CNTNAP2: variants seen among roughly 807,000 people sequenced by gnomAD.
CNTNAP2 encodes contactin-associated protein-like 2.
A neutral mutation model predicts 155.2 loss-of-function variants in CNTNAP2; 98 were observed. That is an observed-to-expected ratio of 0.63 (90% CI 0.54 to 0.75). The LOEUF (loss-of-function observed/expected upper bound fraction) is 0.75. Ranked by LOEUF, CNTNAP2 falls within the 30% of genes least tolerant of loss-of-function variation. The pLI is 0.00. For missense variants in CNTNAP2, 1,727 were observed against 1,688.1 expected (o/e 1.02, Z -0.40); for synonymous variants, 651 against 631.2 (o/e 1.03, Z -0.47).
chr7:146,188,540 A>T (rs1009504857), intron 1 of CNTNAP2, among the ~76,000 whole-genome samples: 7 of 152,312 alleles, frequency 4.6e-5, no homozygotes, highest in African/African-American at 1.7e-4. Flanking sequence ...GTCCTGCAAC[A>T]CATGGCTTAG....
intron 3 of CNTNAP2, among the ~76,000 whole-genome samples, chr7:146,875,413 A>G (rs1795398530): frequency 6.6e-6 from 1 of 152,176 alleles, no homozygotes; most frequent in African/African-American, 2.4e-5. Flanking sequence ...CTTTTCTTAG[A>G]GCATTCCCTT....
intron 18 of CNTNAP2, among the ~76,000 whole-genome samples, chr7:148,187,181 T>G (rs1795130443): frequency 6.6e-6 from 1 of 151,534 alleles, no homozygotes; most frequent in Non-Finnish European, 1.5e-5. Context: ...ACCTGTCGGT[T>G]TCTAACAATA....
chr7:146,636,931 G>C (rs1799608790), intron 1 of CNTNAP2, among the ~76,000 whole-genome samples: 1 of 152,184 alleles, frequency 6.6e-6, no homozygotes, highest in Admixed American at 6.5e-5. Context: ...GTCATTGCCA[G>C]AGGCATACAT....
At chr7:146,801,278 A>G (rs1802872784) in intron 2 of CNTNAP2, among the ~76,000 whole-genome samples, 1 of 152,152 alleles carries the variant, frequency 6.6e-6, no homozygotes, top group African/African-American at 2.4e-5. Flanking sequence ...GCACCAAGCC[A>G]TTCATGAGGG....
chr7:147,698,743 T>A (rs367865572), intron 13 of CNTNAP2, among the ~76,000 whole-genome samples: 45 of 152,304 alleles, frequency 3.0e-4, no homozygotes, highest in African/African-American at 8.2e-4. Flanking sequence ...GTATCTTATT[T>A]TGCAGATATG....
chr7:147,572,313 A>T (rs2190002), intron 12 of CNTNAP2, among the ~76,000 whole-genome samples: 35 of 151,604 alleles, frequency 2.3e-4, no homozygotes, highest in Non-Finnish European at 4.4e-5. Context: ...AAAAAAAAAA[A>T]AGAGAGGAAA....
intron 20 of CNTNAP2, among the ~76,000 whole-genome samples, chr7:148,253,592 C>A (rs1259561742): frequency 6.6e-6 from 1 of 152,138 alleles, no homozygotes; most frequent in Non-Finnish European, 1.5e-5. Flanking sequence ...GAAGCCCTTG[C>A]ATAATGTTAG....
chr7:146,682,447 A>G (rs1242178854), intron 1 of CNTNAP2, among the ~76,000 whole-genome samples: 1 of 152,236 alleles, frequency 6.6e-6, no homozygotes. Context: ...ATAGGTGACA[A>G]TCAAAACATT....
chr7:148,191,756 C>A (rs1230735995), intron 18 of CNTNAP2, among the ~76,000 whole-genome samples: 1 of 152,170 alleles, frequency 6.6e-6, no homozygotes, highest in African/African-American at 2.4e-5. Flanking sequence ...AAGGCCTCAC[C>A]TCCTCCTACC....
intron 1 of CNTNAP2, among the ~76,000 whole-genome samples, chr7:146,727,927 A>G (rs780051478): frequency 3.9e-5 from 6 of 152,174 alleles, no homozygotes; most frequent in Non-Finnish European, 8.8e-5. Flanking sequence ...TAGGCCACCT[A>G]GCATTTTGCT....
chr7:147,118,504 C>G (rs573160039), intron 5 of CNTNAP2, among the ~76,000 whole-genome samples: 1 of 152,108 alleles, frequency 6.6e-6, no homozygotes, highest in African/African-American at 2.4e-5. Context: ...ATCTATCGAT[C>G]TAATTAAATA....
At chr7:146,878,583 T>C (rs1795476328) in intron 3 of CNTNAP2, among the ~76,000 whole-genome samples, 1 of 152,144 alleles carries the variant, frequency 6.6e-6, no homozygotes, top group South Asian at 2.1e-4. Context: ...ATTATTTCAC[T>C]AGTTTAACTT....
intron 2 of CNTNAP2, among the ~76,000 whole-genome samples, chr7:146,798,979 TA>T (rs1802820691): frequency 6.6e-6 from 1 of 152,190 alleles, no homozygotes; most frequent in Non-Finnish European, 1.5e-5. Context: ...AGACTATAGA[TA>T]AATATCCTCT....
chr7:147,616,674 C>G (rs1197986849), intron 12 of CNTNAP2, among the ~76,000 whole-genome samples: 1 of 152,068 alleles, frequency 6.6e-6, no homozygotes, highest in African/African-American at 2.4e-5. Flanking sequence ...AATCATTCTC[C>G]TTCCACTTAC....
intron 1 of CNTNAP2, among the ~76,000 whole-genome samples, chr7:146,760,683 C>A (rs1237422552): frequency 6.6e-6 from 1 of 151,872 alleles, no homozygotes; most frequent in Non-Finnish European, 1.5e-5. Flanking sequence ...ACTTGTCCTC[C>A]CAAAGTGCTG....
At chr7:146,300,726 T>C (rs1412925468) in intron 1 of CNTNAP2, among the ~76,000 whole-genome samples, 2 of 152,090 alleles carry the variant, frequency 1.3e-5, no homozygotes, top group African/African-American at 2.4e-5. Context: ...ATAAGTTGTA[T>C]ATACAACTTC....
chr7:146,322,634 CTTTTT>C (rs56287346), intron 1 of CNTNAP2, among the ~76,000 whole-genome samples: 5 of 64,962 alleles, frequency 7.7e-5, no homozygotes, highest in Admixed American at 2.7e-4. Flanking sequence ...TGTTCATTCT[CTTTTT>C]TTTTTTTTTT....
intron 3 of CNTNAP2, among the ~76,000 whole-genome samples, chr7:147,019,312 G>A (rs952280142): frequency 4.6e-5 from 7 of 151,876 alleles, no homozygotes; most frequent in South Asian, 2.1e-4. Context: ...GTTGTTTCAC[G>A]CTTTAACACT....
At chr7:147,964,769 GAA>G (rs1260957709) in intron 14 of CNTNAP2, among the ~76,000 whole-genome samples, 1 of 152,148 alleles carries the variant, frequency 6.6e-6, no homozygotes, top group Non-Finnish European at 1.5e-5. Context: ...AAGTTGGACT[GAA>G]TCATAAATGG....
Sources: allele counts gnomAD v4.1 joint callset (sites outside exome capture counted in the v4.1 genomes callset), GRCh38; gene constraint gnomAD v4.1.1; transcripts MANE v1.5; gene names NCBI Gene and HGNC (gene_info 2026-07-23, HGNC 2026-07-21).